Variants in RHEX observed in about 807,000 individuals in gnomAD.
RHEX encodes regulator of hemoglobinization and erythroid cell expansion.
In RHEX, 18 loss-of-function variants were observed where a neutral mutation model predicts 20.1. That is an observed-to-expected ratio of 0.90 (90% CI 0.62 to 1.33). RHEX has a LOEUF of 1.33. Among genes scored for constraint, RHEX ranks in the 40% most tolerant of loss-of-function variants. The probability of loss-of-function intolerance (pLI) is 0.00; values close to 1 mark genes in which losing one functional copy is unlikely to be tolerated. For missense variants in RHEX, 192 were observed against 214.3 expected (o/e 0.90, Z 0.65); for synonymous variants, 87 against 77.1 (o/e 1.13, Z -0.67).
At chr1:206,054,379 G>A (rs1165472713) in intron 1 of RHEX, among the ~76,000 whole-genome samples, 2 of 152,236 alleles carry the variant, frequency 1.3e-5, no homozygotes, top group African/African-American at 2.4e-5. Flanking sequence ...AACAGTTTAT[G>A]TGCAAGGTGT....
intron 1 of RHEX, among the ~76,000 whole-genome samples, chr1:206,063,488 C>A (rs969743262): frequency 3.9e-5 from 6 of 152,248 alleles, no homozygotes; most frequent in African/African-American, 1.4e-4. Flanking sequence ...CTGCAACCTC[C>A]CTGCCTGATT....
At position 206,058,667 on chromosome 1, in the gene RHEX, C is replaced by T. The variant is rs550677472; in HGVS notation, c.-97+5402C>T. On this transcript the variant is annotated intron_variant, in intron 1 of 5. Coordinates refer to ENST00000331555, the MANE Select transcript of RHEX (RefSeq NM_001007544.4). ...AGAAGAACATTGTGAAACTCCCTGC[C>T]CTGTTCTGTTTCTCTCTGACCACCG... Among the ~76,000 whole-genome samples the T allele has an allele frequency of 3.2e-4, 49 of 152,296 alleles. 1 individual carries two copies. Among genetic ancestry groups the T allele is most frequent in the Non-Finnish European group, 6.3e-4 (43 of 68,032 alleles).
At chr1:206,056,328 G>A (rs527446988) in intron 1 of RHEX, 26 of 152,570 alleles carry the variant, frequency 1.7e-4, no homozygotes, top group African/African-American at 3.8e-4. Context: ...AAGCTGACTG[G>A]TCCACGCACA....
chr1:206,066,394 A>G (rs1553284166), intron 1 of RHEX, among the ~76,000 whole-genome samples: 1 of 152,242 alleles, frequency 6.6e-6, no homozygotes, highest in African/African-American at 2.4e-5. Flanking sequence ...AGGCGGACGG[A>G]TCACTTGAGG....
intron 1 of RHEX, among the ~76,000 whole-genome samples, chr1:206,057,967 A>G (rs1199804373): frequency 3.3e-5 from 5 of 152,282 alleles, no homozygotes; most frequent in African/African-American, 4.8e-5. Context: ...GAGAAATGCT[A>G]TCTATCAAAA....
chr1:206,063,308 G>C (rs1662342425), intron 1 of RHEX, among the ~76,000 whole-genome samples: 1 of 152,146 alleles, frequency 6.6e-6, no homozygotes, highest in African/African-American at 2.4e-5. Context: ...TTCACTATTA[G>C]GAGGGGGCTT....
chr1:206,063,325 CG>C (rs1371916930), intron 1 of RHEX, among the ~76,000 whole-genome samples: 5 of 152,076 alleles, frequency 3.3e-5, no homozygotes, highest in Admixed American at 2.6e-4. Flanking sequence ...GCTTGGAAAA[CG>C]GCAAGTTTCA....
At chr1:206,091,003 T>C (rs1356396569) in intron 1 of RHEX, among the ~76,000 whole-genome samples, 1 of 152,226 alleles carries the variant, frequency 6.6e-6, no homozygotes, top group Admixed American at 6.5e-5. Flanking sequence ...ATTTGACTTC[T>C]CCTTGCCCAA....
intron 1 of RHEX, among the ~76,000 whole-genome samples, chr1:206,089,157 C>T (rs1662897126): frequency 6.6e-6 from 1 of 151,956 alleles, no homozygotes; most frequent in Non-Finnish European, 1.5e-5. Flanking sequence ...AGATTTGCTT[C>T]AGCCTCAAAG....
chr1:206,087,623 C>T (rs1248627734), intron 1 of RHEX, among the ~76,000 whole-genome samples: 2 of 152,140 alleles, frequency 1.3e-5, no homozygotes, highest in African/African-American at 4.8e-5. Flanking sequence ...ATGGACCACT[C>T]GATAAATATT....
chr1:206,098,141 C>A lies in RHEX; in HGVS notation c.72C>A (p.Cys24Ter), dbSNP rs562537768. The A allele has an allele frequency of 6.2e-7, 1 of 1,614,034 alleles. No homozygotes were observed. Among genetic ancestry groups the A allele is most frequent in the Non-Finnish European group, 8.5e-7 (1 of 1,179,922 alleles). Residue 24 changes from cysteine (C) to a stop codon, truncating the protein, a stop_gained, in exon 3 of 6, where the codon TGC (cysteine) becomes TGA (stop). Coordinates refer to ENST00000331555, the MANE Select transcript of RHEX (RefSeq NM_001007544.4). LOFTEE classifies it high-confidence loss of function. ...IAVVSLFLQACFLTAINYLLS... is the reference protein window; with the variant it reads ...IAVVSLFLQA ...TGGTGTCCCTCTTCCTGCAGGCCTG[C>A]TTCCTCACCGCCATCAACTACCTGC...
intron 1 of RHEX, among the ~76,000 whole-genome samples, chr1:206,068,324 C>T (rs1662467386): frequency 6.6e-6 from 1 of 151,282 alleles, no homozygotes; most frequent in Non-Finnish European, 1.5e-5. Context: ...GTGGAGGGGG[C>T]AAGGGAGATA....
chr1:206,100,660 T>TG (rs1553288271), intron 4 of RHEX, among the ~76,000 whole-genome samples: 2 of 152,086 alleles, frequency 1.3e-5, no homozygotes, highest in African/African-American at 4.8e-5. Context: ...CCTCTTGTCT[T>TG]GGGGGTGACG....
At chr1:206,066,395 T>G (rs1478342567) in intron 1 of RHEX, among the ~76,000 whole-genome samples, 2 of 152,214 alleles carry the variant, frequency 1.3e-5, no homozygotes, top group African/African-American at 2.4e-5. Flanking sequence ...GGCGGACGGA[T>G]CACTTGAGGC....
intron 1 of RHEX, among the ~76,000 whole-genome samples, chr1:206,068,091 A>G (rs1337948740): frequency 3.3e-5 from 5 of 152,206 alleles, no homozygotes; most frequent in Admixed American, 1.3e-4. Flanking sequence ...CAGACAGCCC[A>G]TGTGACCTGA....
At position 206,092,765 on chromosome 1, in the gene RHEX, GTTTA is replaced by G. The variant is rs201085810; in HGVS notation, c.-96-4964_-96-4961del. Among the ~76,000 whole-genome samples, 624 of 152,150 alleles carry G rather than the reference GTTTA, an allele frequency of 4.1e-3. 9 individuals carry two copies. The highest frequency in any genetic ancestry group is 0.013 in the African/African-American group (545 of 41,504). On this transcript the variant is annotated intron_variant, in intron 1 of 5. Coordinates refer to ENST00000331555, the MANE Select transcript of RHEX (RefSeq NM_001007544.4). ...TAATAGTCCCTATATTATTAATTTGGTTTATTTGTGTTTCCTCCTTTTCTTGATT... is the reference window on the plus strand; with the variant it reads ...TAATAGTCCCTATATTATTAATTTGGTTTGTGTTTCCTCCTTTTCTTGATT...
chr1:206,055,874 A>G (rs1049934356), intron 1 of RHEX, among the ~76,000 whole-genome samples: 4 of 152,284 alleles, frequency 2.6e-5, no homozygotes, highest in African/African-American at 9.6e-5. Flanking sequence ...AAACAACTAG[A>G]TGAGGTTTCC....
chr1:206,094,282 C>T (rs570865187), intron 1 of RHEX, among the ~76,000 whole-genome samples: 71 of 152,186 alleles, frequency 4.7e-4, no homozygotes, highest in Non-Finnish European at 8.8e-4. Flanking sequence ...ACAACCTGCT[C>T]ATTGTGGTTA....
intron 1 of RHEX, among the ~76,000 whole-genome samples, chr1:206,086,890 C>G (rs1269449763): frequency 3.3e-5 from 5 of 152,046 alleles, no homozygotes; most frequent in Non-Finnish European, 5.9e-5. Flanking sequence ...ACCTGTGGTC[C>G]CAACTACTCG....
Sources: allele counts gnomAD v4.1 joint callset (sites outside exome capture counted in the v4.1 genomes callset), GRCh38; gene constraint gnomAD v4.1.1; transcripts MANE v1.5; gene names NCBI Gene and HGNC (gene_info 2026-07-23, HGNC 2026-07-21).